The following STAC variants were observed in gnomAD, a reference collection of about 807,000 sequenced individuals.
The protein encoded by STAC is SH3 and cysteine rich domain.
Under a neutral mutation model 48.8 loss-of-function variants are expected in STAC, and 43 were observed. That is an observed-to-expected ratio of 0.88 (90% CI 0.69 to 1.14). The LOEUF (loss-of-function observed/expected upper bound fraction) is 1.14, where lower values mean the gene tolerates loss of function less well. Ranked by LOEUF, STAC falls within the 50% of genes most tolerant of loss-of-function variation. The pLI, the probability that STAC is intolerant of heterozygous loss-of-function variation, is 0.00. For synonymous variants in STAC, 193 were observed against 179.5 expected (o/e 1.07, Z -0.60); for missense variants, 497 against 504.0 (o/e 0.99, Z 0.13).
At chr3:36,453,168 G>A (rs1696735078) in intron 2 of STAC, among the ~76,000 whole-genome samples, 1 of 152,260 alleles carries the variant, frequency 6.6e-6, no homozygotes, top group African/African-American at 2.4e-5. Flanking sequence ...GCATATGAGA[G>A]GTGACAGCGT....
At chr3:36,421,370 A>T (rs187646205) in intron 1 of STAC, among the ~76,000 whole-genome samples, 26 of 152,270 alleles carry the variant, frequency 1.7e-4, no homozygotes, top group Admixed American at 1.6e-3. Flanking sequence ...TAACATGCTT[A>T]TTTCCTAAAT....
chr3:36,464,830 A>ATT (rs59830199), intron 2 of STAC, among the ~76,000 whole-genome samples: 1 of 142,528 alleles, frequency 7.0e-6, no homozygotes, highest in African/African-American at 2.6e-5. Flanking sequence ...GTGTGTGTGT[A>ATT]TTTTTTTTTT....
chr3:36,499,643 T>C (rs1698234921), intron 6 of STAC, among the ~76,000 whole-genome samples: 1 of 152,054 alleles, frequency 6.6e-6, no homozygotes, highest in South Asian at 2.1e-4. Flanking sequence ...AAAATAAATG[T>C]AAACTGATTT....
At chr3:36,486,113 G>T (rs780641475) in intron 4 of STAC, 21 bp from the exon 5 acceptor site, 6 of 1,599,452 alleles carry the variant, frequency 3.8e-6, no homozygotes, top group South Asian at 1.1e-5. Context: ...TTCCTCAGAT[G>T]AACTTTCTCT....
intron 2 of STAC, among the ~76,000 whole-genome samples, chr3:36,447,542 G>C (rs954023695): frequency 1.3e-5 from 2 of 152,050 alleles, no homozygotes; most frequent in African/African-American, 4.8e-5. Flanking sequence ...GCTGTTGTTT[G>C]ACCATTAGGT....
chr3:36,391,447 C>T (rs1699749669), intron 1 of STAC, among the ~76,000 whole-genome samples: 1 of 152,220 alleles, frequency 6.6e-6, no homozygotes, highest in South Asian at 2.1e-4. Flanking sequence ...CTCTAGTGAT[C>T]GCCAGACCAA....
chr3:36,443,550 GGTCT>G lies in STAC; in HGVS notation c.300_303del (p.Leu101IlefsTer26). On this transcript the variant is annotated frameshift_variant, in exon 2 of 11. Transcript: ENST00000273183. LOFTEE classifies it high-confidence loss of function. This position sits in a 1 kb window ranked among gnomAD's most constrained non-coding sequence, Gnocchi z 4.2. ...CCTGACGTCCACACCCGCCAGGGCT[GGTCT>G]GCATCCAGGTGGCAAGGCTCATGCC... is the stretch of plus-strand genomic sequence containing the variant. 1 of 1,614,204 alleles carries G rather than the reference GGTCT, an allele frequency of 6.2e-7. No homozygotes were observed. The highest frequency in any genetic ancestry group is 8.5e-7 in the Non-Finnish European group (1 of 1,180,044).
At chr3:36,435,845 C>T (rs1379513625) in intron 1 of STAC, among the ~76,000 whole-genome samples, 1 of 152,094 alleles carries the variant, frequency 6.6e-6, no homozygotes, top group African/African-American at 2.4e-5. Context: ...CATTTTCTTC[C>T]CTCAGCTTCT....
intron 6 of STAC, among the ~76,000 whole-genome samples, chr3:36,494,462 G>C (rs962988450): frequency 6.6e-6 from 1 of 152,116 alleles, no homozygotes; most frequent in African/African-American, 2.4e-5. Context: ...TTCCTCATTC[G>C]ATACCACATA....
intron 6 of STAC, among the ~76,000 whole-genome samples, chr3:36,494,575 C>T (rs1698085287): frequency 6.6e-6 from 1 of 152,170 alleles, no homozygotes; most frequent in Non-Finnish European, 1.5e-5. Flanking sequence ...CTGTGTGATT[C>T]CCACAAGGCA....
At chr3:36,385,927 G>A (rs1487333055) in intron 1 of STAC, among the ~76,000 whole-genome samples, 1 of 151,890 alleles carries the variant, frequency 6.6e-6, no homozygotes, top group Non-Finnish European at 1.5e-5. Context: ...CTTGTTTTGG[G>A]CTGCTATAAG....
intron 10 of STAC, among the ~76,000 whole-genome samples, chr3:36,538,647 A>T (rs1699253454): frequency 6.6e-6 from 1 of 152,192 alleles, no homozygotes; most frequent in African/African-American, 2.4e-5. Flanking sequence ...GCATATCCAG[A>T]TCATCACATG....
chr3:36,432,083 C>T (rs948385879), intron 1 of STAC, among the ~76,000 whole-genome samples: 5 of 152,158 alleles, frequency 3.3e-5, no homozygotes, highest in African/African-American at 1.2e-4. Context: ...ACATGCCTCA[C>T]CAGATATGGC....
intron 1 of STAC, among the ~76,000 whole-genome samples, chr3:36,408,871 G>A (rs930563654): frequency 3.9e-5 from 6 of 152,116 alleles, no homozygotes; most frequent in African/African-American, 1.4e-4. Context: ...TTGAAACTTG[G>A]TTTCATATAC....
At chr3:36,511,757 G>A (rs1698546038) in intron 8 of STAC, among the ~76,000 whole-genome samples, 1 of 152,106 alleles carries the variant, frequency 6.6e-6, no homozygotes, top group Non-Finnish European at 1.5e-5. Flanking sequence ...CTTCTGGTTT[G>A]TGTCATTTCC....
chr3:36,523,695 C>G (rs533518947), intron 8 of STAC, among the ~76,000 whole-genome samples: 13 of 152,266 alleles, frequency 8.5e-5, no homozygotes, highest in African/African-American at 3.1e-4. Flanking sequence ...GGCCTGACAG[C>G]CACAGAAGCA....
chr3:36,471,224 A>G (rs1403405541), intron 2 of STAC, among the ~76,000 whole-genome samples: 2 of 152,158 alleles, frequency 1.3e-5, no homozygotes, highest in African/African-American at 2.4e-5. Context: ...TGATAAACCT[A>G]TCAGTTCTCG....
chr3:36,384,294 T>C (rs990463115), intron 1 of STAC, among the ~76,000 whole-genome samples: 7 of 152,136 alleles, frequency 4.6e-5, no homozygotes, highest in African/African-American at 1.7e-4. Context: ...TTTGATGATA[T>C]TGAGGAATCA....
chr3:36,438,073 G>C (rs1696204834), intron 1 of STAC, among the ~76,000 whole-genome samples: 2 of 151,856 alleles, frequency 1.3e-5, no homozygotes, highest in Admixed American at 6.6e-5. Context: ...GAGTAGCTGG[G>C]ATTATAGGCA....
Sources: gnomAD v4.1 joint callset for allele counts (sites outside exome capture counted in the v4.1 genomes callset) on GRCh38, gnomAD v4.1.1 for gene constraint, Gnocchi (gnomAD v3.1) non-coding constraint, MANE v1.5 for transcripts, NCBI Gene and HGNC (gene_info 2026-07-23, HGNC 2026-07-21) for gene names.